ERP44: variants seen among roughly 807,000 people sequenced by gnomAD.
ERP44 encodes the protein endoplasmic reticulum protein 44.
Under a neutral mutation model 53.4 loss-of-function variants are expected in ERP44, and 25 were observed. That is an observed-to-expected ratio of 0.47 (90% CI 0.34 to 0.65). The LOEUF (loss-of-function observed/expected upper bound fraction) is 0.65, where lower values mean the gene tolerates loss of function less well. Among genes scored for constraint, ERP44 ranks in the 30% least tolerant of loss-of-function variants. The pLI is 0.01. For missense variants in ERP44, 338 were observed against 493.2 expected (o/e 0.69, Z 2.98); for synonymous variants, 145 against 161.2 (o/e 0.90, Z 0.76).
chr9:100,078,455 C>CAA (rs61442605), intron 1 of ERP44, among the ~76,000 whole-genome samples: 2,011 of 114,670 alleles, frequency 0.018, 46 homozygotes, highest in African/African-American at 0.049. Flanking sequence ...AAGACTCTAT[C>CAA]AAAAAAAAAA....
At chr9:100,008,506 G>T (rs1830441375) in intron 8 of ERP44, among the ~76,000 whole-genome samples, 1 of 152,098 alleles carries the variant, frequency 6.6e-6, no homozygotes, top group Admixed American at 6.5e-5. Flanking sequence ...AGTCCAGAAA[G>T]GGTCTCATAA....
intron 1 of ERP44, among the ~76,000 whole-genome samples, chr9:100,088,625 C>G (rs1826514144): frequency 6.6e-6 from 1 of 152,178 alleles, no homozygotes; most frequent in African/African-American, 2.4e-5. Context: ...AAGGGGATAC[C>G]TTTCACCACT....
At chr9:100,068,348 C>A (rs1346403870) in intron 1 of ERP44, among the ~76,000 whole-genome samples, 30 of 120,454 alleles carry the variant, frequency 2.5e-4, no homozygotes, top group South Asian at 1.1e-3. Context: ...GTCAGCCCCC[C>A]GCCCGGCCAG....
intron 4 of ERP44, among the ~76,000 whole-genome samples, chr9:100,024,971 C>G (rs1013291007): frequency 3.3e-5 from 5 of 152,060 alleles, no homozygotes; most frequent in Admixed American, 3.3e-4. Context: ...ATAAATGGTC[C>G]TAAAATTATT....
In ERP44 at chr9:99,980,101, C is replaced by A; in HGVS notation, c.*2511G>T. ...TCCCTACCTCCTGAGAACACCTATT[C>A]ATCTTTTTAAAGCTCAAAATAAAAA... On this transcript the variant is annotated 3_prime_UTR_variant, in exon 12 of 12. Coordinates refer to ENST00000262455, the MANE Select transcript of ERP44 (RefSeq NM_015051.3). The A allele has an allele frequency of 2.5e-6, 1 of 398,476 alleles. No homozygotes were observed. Among genetic ancestry groups the A allele is most frequent in the South Asian group, 1.3e-4 (1 of 7,844 alleles). The allele number at this position is 398,476 out of a possible 1,614,324, so 24.7% of individuals were successfully genotyped here. A position where few individuals can be genotyped will look rare whatever the true frequency, so the allele number is the denominator to read the frequency against.
intron 4 of ERP44, among the ~76,000 whole-genome samples, chr9:100,043,297 A>G (rs1159936525): frequency 1.4e-5 from 2 of 147,058 alleles, no homozygotes; most frequent in African/African-American, 2.6e-5. Context: ...AAAAAGATAA[A>G]TAAGACATAG....
chr9:99,998,370 G>A (rs1830337516), intron 10 of ERP44: 7 of 592,266 alleles, frequency 1.2e-5, no homozygotes, highest in South Asian at 5.9e-5. Flanking sequence ...TCCCGCTTCC[G>A]CCACACGCGA....
chr9:100,052,945 T>A (rs1298485429), intron 3 of ERP44, among the ~76,000 whole-genome samples: 1 of 152,032 alleles, frequency 6.6e-6, no homozygotes. Context: ...TGAGACAGGG[T>A]CTCATTCTGT....
At chr9:100,094,847 C>T (rs1826605263) in intron 1 of ERP44, among the ~76,000 whole-genome samples, 1 of 151,482 alleles carries the variant, frequency 6.6e-6, no homozygotes, top group Non-Finnish European at 1.5e-5. Flanking sequence ...ACCTGTAGTC[C>T]CAGAGTCCCA....
chr9:100,008,876 G>A (rs1344338746), intron 8 of ERP44, among the ~76,000 whole-genome samples: 1 of 151,998 alleles, frequency 6.6e-6, no homozygotes, highest in Non-Finnish European at 1.5e-5. Flanking sequence ...CAAATAGTGA[G>A]GACTACAAAC....
At chr9:100,031,784 G>A (rs147018538) in intron 4 of ERP44, among the ~76,000 whole-genome samples, 23 of 152,232 alleles carry the variant, frequency 1.5e-4, no homozygotes, top group African/African-American at 5.1e-4. Context: ...GAGGAGGCAC[G>A]ACAGACCCTG....
intron 2 of ERP44, among the ~76,000 whole-genome samples, chr9:100,058,358 G>A (rs539477037): frequency 6.6e-6 from 1 of 152,284 alleles, no homozygotes; most frequent in South Asian, 2.1e-4. Context: ...TTACAGGCAT[G>A]AGCCATCACA....
intron 1 of ERP44, among the ~76,000 whole-genome samples, chr9:100,069,084 T>G (rs1826270198): frequency 6.6e-6 from 1 of 152,046 alleles, no homozygotes; most frequent in Non-Finnish European, 1.5e-5. Flanking sequence ...AACAGATGCT[T>G]GAAGGCAGCA....
At chr9:100,023,478 G>A (rs1830617293) in intron 4 of ERP44, among the ~76,000 whole-genome samples, 1 of 149,828 alleles carries the variant, frequency 6.7e-6, no homozygotes, top group Non-Finnish European at 1.5e-5. Context: ...ACCCAGGCTG[G>A]AGTACAGTGG....
At chr9:99,996,993 G>GTATATA (rs60268138) in intron 10 of ERP44, among the ~76,000 whole-genome samples, 70 of 143,696 alleles carry the variant, frequency 4.9e-4, no homozygotes, top group Middle Eastern at 3.6e-3. Context: ...ATATGTGTGT[G>GTATATA]TATATATATA....
chr9:100,004,901 A>G (rs117899699), intron 10 of ERP44, among the ~76,000 whole-genome samples: 6 of 152,226 alleles, frequency 3.9e-5, no homozygotes, highest in African/African-American at 1.2e-4. Flanking sequence ...TGACTAGATT[A>G]CTGAACAGTC....
At chr9:100,013,375 G>GTAATAA (rs1051724637) in intron 8 of ERP44, among the ~76,000 whole-genome samples, 1 of 148,506 alleles carries the variant, frequency 6.7e-6, no homozygotes, top group Non-Finnish European at 1.5e-5. Context: ...AAAAACCAGA[G>GTAATAA]TAATAATAAT....
chr9:100,060,435 T>C (rs1471479045), intron 1 of ERP44, among the ~76,000 whole-genome samples: 1 of 152,176 alleles, frequency 6.6e-6, no homozygotes, highest in African/African-American at 2.4e-5. Flanking sequence ...TTAGGAAAAC[T>C]GGGAATATAC....
chr9:100,094,024 G>T (rs1361668), intron 1 of ERP44, among the ~76,000 whole-genome samples: 1 of 151,956 alleles, frequency 6.6e-6, no homozygotes, highest in South Asian at 2.1e-4. Flanking sequence ...CCTAGCAACT[G>T]CAAGTACAGA....
Sources: gnomAD v4.1 joint callset for allele counts (sites outside exome capture counted in the v4.1 genomes callset) on GRCh38, gnomAD v4.1.1 for gene constraint, MANE v1.5 for transcripts, NCBI Gene and HGNC (gene_info 2026-07-23, HGNC 2026-07-21) for gene names.